The following MEF2A variants were observed in gnomAD, a reference collection of about 807,000 sequenced individuals.
MEF2A encodes myocyte enhancer factor 2A.
A neutral mutation model predicts 55.8 loss-of-function variants in MEF2A; 28 were observed. The ratio of observed to expected loss-of-function variants is 0.50; its 90% confidence interval spans 0.37 to 0.69. MEF2A has a LOEUF of 0.69. MEF2A is among the 30% of genes least tolerant of loss of function. The probability of loss-of-function intolerance (pLI) is 0.00; values close to 1 mark genes in which losing one functional copy is unlikely to be tolerated. For synonymous variants in MEF2A, 239 were observed against 227.1 expected, an observed-to-expected ratio of 1.05 and a Z score of -0.47; for missense variants, 528 against 626.2, an observed-to-expected ratio of 0.84 and a Z score of 1.67.
At chr15:99,674,954 C>G (rs2051644975) in intron 6 of MEF2A, among the ~76,000 whole-genome samples, 1 of 152,080 alleles carries the variant, frequency 6.6e-6, no homozygotes, top group East Asian at 1.9e-4. Context: ...GATAGACTAC[C>G]TGATTGGAGT....
At chr15:99,690,454 A>C (rs374534645) in intron 8 of MEF2A, 26 bp downstream of exon 8, 56 of 1,553,938 alleles carry the variant, frequency 3.6e-5, no homozygotes, top group Non-Finnish European at 4.9e-5. Flanking sequence ...CTTCAACTTC[A>C]TTCTTTAAAA....
At chr15:99,647,217 G>C (rs1009085139) in intron 4 of MEF2A, among the ~76,000 whole-genome samples, 2 of 151,240 alleles carry the variant, frequency 1.3e-5, no homozygotes, top group Non-Finnish European at 3.0e-5. Context: ...TGTAAATTAG[G>C]GTATCATTCA....
intron 3 of MEF2A, among the ~76,000 whole-genome samples, chr15:99,636,600 A>G (rs1052440860): frequency 3.9e-5 from 6 of 152,124 alleles, no homozygotes; most frequent in Non-Finnish European, 4.4e-5. Context: ...TGGCTTCCCA[A>G]AGCACTAGGA....
chr15:99,672,973 G>A (rs993695603), intron 5 of MEF2A, among the ~76,000 whole-genome samples: 2 of 152,108 alleles, frequency 1.3e-5, no homozygotes, highest in Admixed American at 6.5e-5. Flanking sequence ...GCCTACACAC[G>A]TGCCATTTTA....
intron 2 of MEF2A, among the ~76,000 whole-genome samples, chr15:99,627,508 C>T (rs2042243690): frequency 6.8e-6 from 1 of 146,022 alleles, no homozygotes; most frequent in Non-Finnish European, 1.5e-5. Flanking sequence ...TATATATAGG[C>T]ATACCCTGTT....
intron 8 of MEF2A, among the ~76,000 whole-genome samples, chr15:99,699,108 T>TTTGAGTATTTA: frequency 6.6e-6 from 1 of 151,960 alleles, no homozygotes. Flanking sequence ...AATGCCACTC[T>TTTGAGTATTTA]TTGAGTATTT....
intron 1 of MEF2A, among the ~76,000 whole-genome samples, chr15:99,569,642 T>G (rs911099909): frequency 6.6e-6 from 1 of 152,208 alleles, no homozygotes; most frequent in African/African-American, 2.4e-5. Flanking sequence ...AGGGATTGAC[T>G]GTGGGAGTGG....
chr15:99,632,190 T>TACACAC (rs150342548), intron 2 of MEF2A, among the ~76,000 whole-genome samples: 1 of 152,080 alleles, frequency 6.6e-6, no homozygotes, highest in Non-Finnish European at 1.5e-5. Context: ...TTAAAATTTA[T>TACACAC]ACACACACAC....
intron 10 of MEF2A, among the ~76,000 whole-genome samples, chr15:99,709,649 A>G (rs2058401441): frequency 6.6e-6 from 1 of 152,238 alleles, no homozygotes; most frequent in South Asian, 2.1e-4. Context: ...AAAGAAGATA[A>G]AAGTAGAAGA....
intron 4 of MEF2A, among the ~76,000 whole-genome samples, chr15:99,665,912 G>C (rs1177743666): frequency 6.6e-6 from 1 of 152,074 alleles, no homozygotes; most frequent in Non-Finnish European, 1.5e-5. Context: ...AGTTAGAATG[G>C]TGATCATTAA....
Position 99,675,417 on chromosome 15 carries a change from C to T in MEF2A, c.629C>T (p.Thr210Ile). The change falls in exon 7 of 12, where the codon ACA becomes ATA. Residue 210 changes from threonine (T) to isoleucine (I), a missense_variant. Physicochemically the swap from Thr to Ile is moderately conservative, Grantham distance 89 (BLOSUM62 -1). Coordinates refer to ENST00000557942, the MANE Select transcript of MEF2A (RefSeq NM_001319206.4). Reference sequence around the variant, plus strand: ...TTGTTAGGTGGGATGTTGAGCACTACAGACCTCACAGTGCCAAATGGAGCT... The same window carrying T: ...TTGTTAGGTGGGATGTTGAGCACTATAGACCTCACAGTGCCAAATGGAGCT... ...TGNAGGMLST[T>I]DLTVPNGAGS... 6.2e-7 allele frequency: 1 copy of T among 1,613,924 alleles called. No individual in the cohort carries two copies. Among genetic ancestry groups the T allele is most frequent in the South Asian group, 1.1e-5 (1 of 91,086 alleles).
intron 1 of MEF2A, among the ~76,000 whole-genome samples, chr15:99,588,704 A>G (rs1241016156): frequency 6.6e-6 from 1 of 151,662 alleles, no homozygotes; most frequent in African/African-American, 2.4e-5. Flanking sequence ...CAGCCTCCCA[A>G]AGTGCTGGAG....
In MEF2A at chr15:99,712,476, CTCGGGATCGTATGACCCCA is replaced by C; in HGVS notation, c.1229_1247del (p.Asp410AlafsTer41). On this transcript the variant is annotated frameshift_variant, in exon 12 of 12. Transcript: ENST00000557942. LOFTEE classifies it high-confidence loss of function. The surrounding 1 kb of genome is among the most constrained non-coding windows in gnomAD (Gnocchi z 4.1). ...ATCAAGTCCGAACCGATTTCACCTC[CTCGGGATCGTATGACCCCA>C]TCGGGCTTCCAGCAGCAGCAGCAGC... is the stretch of plus-strand genomic sequence containing the variant. The C allele has an allele frequency of 6.4e-7, 1 of 1,551,766 alleles. No individual in the cohort carries two copies. The highest frequency in any genetic ancestry group is 1.4e-5 in the African/African-American group (1 of 73,100).
intron 7 of MEF2A, among the ~76,000 whole-genome samples, chr15:99,676,603 G>A (rs1044608324): frequency 2.0e-5 from 3 of 149,958 alleles, no homozygotes; most frequent in Admixed American, 6.7e-5. Flanking sequence ...ACGGAGTCTC[G>A]CTCTTGTCGC....
At chr15:99,589,451 C>T (rs1266669789) in intron 1 of MEF2A, among the ~76,000 whole-genome samples, 1 of 152,002 alleles carries the variant, frequency 6.6e-6, no homozygotes, top group Non-Finnish European at 1.5e-5. Flanking sequence ...AAGTTCTTTT[C>T]AAATAACCAA....
At chr15:99,652,537 G>A (rs140029659) in intron 4 of MEF2A, among the ~76,000 whole-genome samples, 2 of 152,270 alleles carry the variant, frequency 1.3e-5, no homozygotes, top group Non-Finnish European at 2.9e-5. Context: ...ATGGAAATTA[G>A]GAAATGAGAC....
intron 9 of MEF2A, among the ~76,000 whole-genome samples, 170 bp downstream of exon 9, chr15:99,703,555 T>C (rs933903915): frequency 1.6e-4 from 25 of 152,348 alleles, no homozygotes; most frequent in African/African-American, 5.8e-4. Flanking sequence ...AGTTTTTCTA[T>C]TTATAATTGT....
chr15:99,603,942 T>C (rs1214640032), intron 2 of MEF2A, among the ~76,000 whole-genome samples: 1 of 152,250 alleles, frequency 6.6e-6, no homozygotes, highest in Non-Finnish European at 1.5e-5. Context: ...GCATGCGTAA[T>C]AAGGGTTTTT....
chr15:99,577,215 G>A (rs1964577976), intron 1 of MEF2A, among the ~76,000 whole-genome samples: 1 of 152,160 alleles, frequency 6.6e-6, no homozygotes, highest in Non-Finnish European at 1.5e-5. Flanking sequence ...ATAGTGGAAG[G>A]AATATTATGC....
Sources: gnomAD v4.1 joint callset for allele counts (sites outside exome capture counted in the v4.1 genomes callset) on GRCh38, gnomAD v4.1.1 for gene constraint, Gnocchi (gnomAD v3.1) non-coding constraint, MANE v1.5 for transcripts, NCBI Gene and HGNC (gene_info 2026-07-23, HGNC 2026-07-21) for gene names.